The following ADAMTS2 variants were observed in gnomAD, a reference collection of about 807,000 sequenced individuals.
ADAMTS2 encodes ADAM metallopeptidase with thrombospondin type 1 motif 2.
In ADAMTS2, 50 loss-of-function variants were observed where a neutral mutation model predicts 123.0. The observed-to-expected ratio is 0.41, with a 90% confidence interval of 0.32 to 0.51. The LOEUF (loss-of-function observed/expected upper bound fraction) is 0.51. Among genes scored for constraint, ADAMTS2 ranks in the 20% least tolerant of loss-of-function variants. The pLI, the probability that ADAMTS2 is intolerant of heterozygous loss-of-function variation, is 0.35. For missense variants in ADAMTS2, 1,494 were observed against 1,705.2 expected (o/e 0.88, Z 2.18); for synonymous variants, 678 against 695.4 (o/e 0.98, Z 0.39).
rs1274565862 is a variant in ADAMTS2 at position 179,137,931 on chromosome 5, C to T, written c.1789G>A (p.Gly597Ser). ...TAGGCAAGGCCCGAGCAGGTGCGGC[C>T]CCCGTTGGCCGGGCTGGAGGAGAAA... ...QCDNPHPANG[G>S]RTCSGLAYDF... Residue 597 changes from glycine (G) to serine (S), a missense_variant, in exon 12 of 22, where the codon GGC (glycine) becomes AGC (serine). This residue lies in a region of ADAMTS2 where 953 missense variants were observed against 1,124.7 expected (regional missense o/e 0.85). Coordinates refer to ENST00000251582, the MANE Select transcript of ADAMTS2 (RefSeq NM_014244.5). The T allele has an allele frequency of 1.3e-6, 2 of 1,547,814 alleles. No homozygotes were observed. The highest frequency in any genetic ancestry group is 4.9e-5 in the East Asian group (2 of 41,014).
intron 4 of ADAMTS2, among the ~76,000 whole-genome samples, chr5:179,201,803 C>CAATA (rs1200010132): frequency 2.0e-5 from 3 of 151,604 alleles, no homozygotes; most frequent in Non-Finnish European, 2.9e-5. Flanking sequence ...CTCTGTCTCA[C>CAATA]AATAAATAAA....
rs1763439034 is a variant in ADAMTS2 at position 179,154,906 on chromosome 5, G to C, written c.1146C>G (p.Val382=). Residue 382 remains valine, a synonymous_variant, in exon 7 of 22, where the codon GTC becomes GTG. Transcript: ENST00000251582. ...TGCGGACCGGATGGCACATGCCGGT[G>C]ACAGGAGCATAGCCTGGGAGGAGAC... ...GPSGMQGYAP[V]TGMCHPVRSC... 6.2e-7 allele frequency: 1 copy of C among 1,613,222 alleles called. No individual in the cohort carries two copies. Among genetic ancestry groups the C allele is most frequent in the African/African-American group, 1.3e-5 (1 of 74,938 alleles).
chr5:179,243,077 C>T (rs183159159), intron 3 of ADAMTS2, among the ~76,000 whole-genome samples: 88 of 151,144 alleles, frequency 5.8e-4, no homozygotes, highest in African/African-American at 1.9e-3. Context: ...AAGATTCTGG[C>T]GGCAAGAATT....
At position 179,312,903 on chromosome 5, in the gene ADAMTS2, T is replaced by C. The variant is rs560922029; in HGVS notation, c.534+30864A>G. On this transcript the variant is annotated intron_variant, in intron 2 of 21. Transcript: ENST00000251582. The surrounding 1 kb of genome is among the most constrained non-coding windows in gnomAD (Gnocchi z 4.2). Reference sequence around the variant, plus strand: ...ATGTTTCAAACCAGCAAGCTTGTAGTAATTTGCAGGCAGCCTCAGAAACCA... The same window carrying C: ...ATGTTTCAAACCAGCAAGCTTGTAGCAATTTGCAGGCAGCCTCAGAAACCA... Among the ~76,000 whole-genome samples the C allele has an allele frequency of 2.5e-3, 377 of 152,336 alleles. 1 individual carries two copies. The highest frequency in any genetic ancestry group is 4.7e-3 in the Non-Finnish European group (321 of 68,036).
intron 6 of ADAMTS2, among the ~76,000 whole-genome samples, chr5:179,156,417 T>C (rs1405135137): frequency 6.7e-6 from 1 of 149,316 alleles, no homozygotes; most frequent in African/African-American, 2.5e-5. Flanking sequence ...TGGAGTGCAG[T>C]GGTGTGATCT....
rs2127463388 is a variant in ADAMTS2, at chr5:179,343,956, G to A, written c.345C>T (p.Val115=). 2 of 1,612,204 alleles carry A rather than the reference G, an allele frequency of 1.2e-6. No homozygotes were observed. The highest frequency in any genetic ancestry group is 1.7e-6 in the Non-Finnish European group (2 of 1,179,734). Reference sequence around the variant, plus strand: ...GCCGCAGGTGCAGGTCTCGGCCAAAGACCGTGACATTGTAGAAGAGGTGAC... The same window carrying A: ...GCCGCAGGTGCAGGTCTCGGCCAAAAACCGTGACATTGTAGAAGAGGTGAC... ...PGSHLFYNVT[V]FGRDLHLRLR... The change falls in exon 2 of 22, where the codon GTC becomes GTT. Residue 115 remains valine (V), a synonymous_variant. Coordinates refer to ENST00000251582, the MANE Select transcript of ADAMTS2 (RefSeq NM_014244.5).
Position 179,272,813 on chromosome 5 carries a change from T to G in ADAMTS2, c.688+98A>C, listed in dbSNP as rs1766575763. 1.4e-6 allele frequency: 2 copies of G among 1,462,054 alleles called. No homozygotes were observed. The highest frequency in any genetic ancestry group is 1.4e-5 in the African/African-American group (1 of 71,036). The allele number at this position is 1,462,054 out of a possible 1,614,324, so 90.6% of individuals were successfully genotyped here. On this transcript the variant is annotated intron_variant, in intron 3 of 21. Coordinates refer to ENST00000251582, the MANE Select transcript of ADAMTS2 (RefSeq NM_014244.5). This position sits in a 1 kb window ranked among gnomAD's most constrained non-coding sequence, Gnocchi z 5.8. Reference sequence around the variant, plus strand: ...CGGGGCTCAGCCTCAGCAGCCAAGCTGGTCTGTGGAGAGCTGCCTGAGTCT... The same window carrying G: ...CGGGGCTCAGCCTCAGCAGCCAAGCGGGTCTGTGGAGAGCTGCCTGAGTCT...
At position 179,195,025 on chromosome 5, in the gene ADAMTS2, C is replaced by G. The variant is rs142116308; in HGVS notation, c.891+12488G>C. The stretch of plus-strand genomic sequence containing the variant: ...CGCGCGCTGTGCCACCACCAGGAGT[C>G]CTCATTAGAGGCAACTGCGGTGGCC... On this transcript the variant is annotated intron_variant, in intron 4 of 21. Coordinates refer to ENST00000251582, the MANE Select transcript of ADAMTS2 (RefSeq NM_014244.5). Among the ~76,000 whole-genome samples the G allele has an allele frequency of 3.6e-3, 542 of 152,304 alleles. 3 individuals are homozygous for G. Among genetic ancestry groups the G allele is most frequent in the South Asian group, 0.018 (85 of 4,822 alleles).
chr5:179,249,888 A>G (rs1765880368), intron 3 of ADAMTS2, among the ~76,000 whole-genome samples: 1 of 152,222 alleles, frequency 6.6e-6, no homozygotes, highest in Non-Finnish European at 1.5e-5. Context: ...CAAAAACATC[A>G]TAAGAAAACT....
chr5:179,266,085 T>A (rs531376309), intron 3 of ADAMTS2, among the ~76,000 whole-genome samples: 1 of 152,160 alleles, frequency 6.6e-6, no homozygotes, highest in African/African-American at 2.4e-5. Context: ...AAGTGCCCGG[T>A]TGGAGACACA....
At chr5:179,179,354 T>A (rs78090475) in intron 5 of ADAMTS2, among the ~76,000 whole-genome samples, 3,937 of 152,048 alleles carry the variant, frequency 0.026, 155 homozygotes, top group African/African-American at 0.089. Context: ...TCAGCGAAGA[T>A]GGACAAAATC....
At chr5:179,245,395 T>C (rs150766608) in intron 3 of ADAMTS2, among the ~76,000 whole-genome samples, 3 of 152,296 alleles carry the variant, frequency 2.0e-5, no homozygotes, top group African/African-American at 7.2e-5. Context: ...CATTGCATTA[T>C]TTAAGCCACT....
At chr5:179,231,996 G>GT (rs1765421959) in intron 3 of ADAMTS2, among the ~76,000 whole-genome samples, 1 of 151,918 alleles carries the variant, frequency 6.6e-6, no homozygotes, top group Non-Finnish European at 1.5e-5. Flanking sequence ...GGCAGAACCC[G>GT]TATCAGCTTT....
At chr5:179,322,345 T>C (rs190023656) in intron 2 of ADAMTS2, among the ~76,000 whole-genome samples, 72 of 152,180 alleles carry the variant, frequency 4.7e-4, no homozygotes, top group African/African-American at 1.7e-3. Context: ...CACGGGGCCA[T>C]CTCAAGGTGG....
Position 179,128,214 on chromosome 5 carries a change from G to T in ADAMTS2, c.2458-96C>A. On this transcript the variant is annotated intron_variant, in intron 16 of 21. Coordinates refer to ENST00000251582, the MANE Select transcript of ADAMTS2 (RefSeq NM_014244.5). The surrounding 1 kb of genome is among the most constrained non-coding windows in gnomAD (Gnocchi z 4.9). ...GGCAGCTGAGGCCGACTCCAGAGGA[G>T]TCTCATCATTCATGGCAGTTACATT... The T allele has an allele frequency of 7.5e-6, 11 of 1,472,170 alleles. No individual in the cohort carries two copies. Among genetic ancestry groups the T allele is most frequent in the Non-Finnish European group, 9.3e-6 (10 of 1,072,536 alleles). 91.2% of individuals were successfully genotyped at this position (1,472,170 alleles called of 1,614,324 possible).
Position 179,153,659 on chromosome 5 carries a change from G to C in ADAMTS2, c.1383-36C>G, listed in dbSNP as rs2076953. 1,023 of 1,583,092 alleles carry C rather than the reference G, an allele frequency of 6.5e-4. 7 individuals carry two copies. The African/African-American group carries it at 8.6e-3, about 13-fold the overall frequency. The stretch of plus-strand genomic sequence containing the variant: ...CACACGGTGCCGCGAGCAGCCTTCA[G>C]CGCGGCTGACCATCCACAGCCCTGG... On this transcript the variant is annotated intron_variant, in intron 8 of 21. Transcript: ENST00000251582.
At chr5:179,163,691 G>A (rs956779640) in intron 5 of ADAMTS2, among the ~76,000 whole-genome samples, 36 of 152,168 alleles carry the variant, frequency 2.4e-4, no homozygotes, top group East Asian at 3.9e-4. Flanking sequence ...TTCCCAGCCC[G>A]TCTTAGCAGC....
At chr5:179,215,300 T>C (rs993609985) in intron 3 of ADAMTS2, among the ~76,000 whole-genome samples, 2 of 151,932 alleles carry the variant, frequency 1.3e-5, no homozygotes, top group East Asian at 3.9e-4. Context: ...AATACAAAAT[T>C]AGCTGGGCAT....
intron 3 of ADAMTS2, among the ~76,000 whole-genome samples, chr5:179,246,163 G>C (rs957873911): frequency 1.3e-4 from 20 of 152,180 alleles, no homozygotes; most frequent in African/African-American, 4.8e-4. Flanking sequence ...CATGAAGATG[G>C]CAGACCACAT....
Sources: gnomAD v4.1 joint callset for allele counts (sites outside exome capture counted in the v4.1 genomes callset) on GRCh38, gnomAD v4.1.1 for gene constraint, gnomAD v4.1.1 regional missense constraint, Gnocchi (gnomAD v3.1) non-coding constraint, MANE v1.5 for transcripts, NCBI Gene and HGNC (gene_info 2026-07-23, HGNC 2026-07-21) for gene names.